The following CNTNAP2 variants were observed in gnomAD, a reference collection of about 807,000 sequenced individuals.
CNTNAP2 encodes the protein contactin associated protein 2.
A neutral mutation model predicts 155.2 loss-of-function variants in CNTNAP2; 98 were observed. That is an observed-to-expected ratio of 0.63 (90% CI 0.54 to 0.75). The LOEUF is 0.75. Among genes scored for constraint, CNTNAP2 ranks in the 30% least tolerant of loss-of-function variants. The pLI is 0.00. For synonymous variants in CNTNAP2, 651 were observed against 631.2 expected (o/e 1.03, Z -0.47); for missense variants, 1,727 against 1,688.1 (o/e 1.02, Z -0.40).
rs59898510 is a variant in CNTNAP2, at chr7:147,975,097, C to T, written c.2256-2765C>T. 7.9e-3 allele frequency among the ~76,000 whole-genome samples: 770 copies of T among 97,318 alleles called. 4 individuals carry two copies. Among genetic ancestry groups the T allele is most frequent in the African/African-American group, 0.02 (724 of 35,646 alleles). 63.8% of individuals were successfully genotyped at this position (97,318 alleles called of 152,430 possible). On this transcript the variant is annotated intron_variant, in intron 14 of 23. Transcript: ENST00000361727. ...ATGTATAATACAATTTTTTGTATTA[C>T]GTATAATACAATTTTTTTGTATTAT...
intron 1 of CNTNAP2, among the ~76,000 whole-genome samples, chr7:146,460,819 A>G (rs1323372120): frequency 2.6e-5 from 4 of 152,314 alleles, no homozygotes; most frequent in African/African-American, 9.6e-5. Flanking sequence ...TGTCTGGGGT[A>G]TAGGGCAGGG....
intron 1 of CNTNAP2, among the ~76,000 whole-genome samples, chr7:146,495,948 A>C (rs1797209163): frequency 6.6e-6 from 1 of 152,174 alleles, no homozygotes; most frequent in Admixed American, 6.5e-5. Context: ...TACTCAGCCA[A>C]ATTGTGAGTA....
At chr7:147,655,946 C>T (rs1408540589) in intron 13 of CNTNAP2, among the ~76,000 whole-genome samples, 1 of 152,240 alleles carries the variant, frequency 6.6e-6, no homozygotes, top group East Asian at 1.9e-4. Flanking sequence ...TAGCCACCTT[C>T]ATCAATTACC....
At chr7:147,132,071 T>G (rs1038767715) in intron 7 of CNTNAP2, among the ~76,000 whole-genome samples, 174 bp from the exon 8 acceptor site, 3 of 152,112 alleles carry the variant, frequency 2.0e-5, no homozygotes, top group Admixed American at 2.0e-4. Flanking sequence ...ACACTCCAAG[T>G]AGATCCGTAG....
chr7:146,815,350 A>T (rs959440796), intron 2 of CNTNAP2, among the ~76,000 whole-genome samples: 2 of 152,174 alleles, frequency 1.3e-5, no homozygotes, highest in African/African-American at 2.4e-5. Context: ...TTTAGACTCT[A>T]AATAACTGTG....
chr7:148,104,862 G>A (rs542845689), intron 15 of CNTNAP2, among the ~76,000 whole-genome samples: 4 of 152,218 alleles, frequency 2.6e-5, no homozygotes, highest in African/African-American at 9.6e-5. Flanking sequence ...CTGTCCATAT[G>A]GGTTAAATAG....
chr7:146,290,339 C>A (rs964044754), intron 1 of CNTNAP2, among the ~76,000 whole-genome samples: 31 of 152,156 alleles, frequency 2.0e-4, no homozygotes, highest in African/African-American at 7.5e-4. Context: ...GTTTAGCAAA[C>A]CCTATCAGTT....
At position 147,610,180 on chromosome 7, in the gene CNTNAP2, G is replaced by A. The variant is rs73468949; in HGVS notation, c.1898-28926G>A. ...ATTTACAACTAAAGCATGTTATAAT[G>A]TAAATAATTGATTTTCTGTATGAAA... On this transcript the variant is annotated intron_variant, in intron 12 of 23. Transcript: ENST00000361727. Among the ~76,000 whole-genome samples, 1,248 of 152,260 alleles carry A rather than the reference G, an allele frequency of 8.2e-3. 21 individuals carry two copies. Among genetic ancestry groups the A allele is most frequent in the African/African-American group, 0.028 (1,177 of 41,534 alleles).
At chr7:147,148,498 C>G (rs1412994936) in intron 8 of CNTNAP2, among the ~76,000 whole-genome samples, 1 of 152,118 alleles carries the variant, frequency 6.6e-6, no homozygotes, top group East Asian at 1.9e-4. Flanking sequence ...AGTCCTATGA[C>G]TTGTAAATGT....
chr7:147,636,589 C>T (rs1251399308), intron 12 of CNTNAP2, among the ~76,000 whole-genome samples: 1 of 152,094 alleles, frequency 6.6e-6, no homozygotes, highest in Non-Finnish European at 1.5e-5. Context: ...GCTCTCCCTC[C>T]CATTTACCCT....
intron 8 of CNTNAP2, among the ~76,000 whole-genome samples, chr7:147,137,885 A>C (rs1357785152): frequency 8.1e-6 from 1 of 123,732 alleles, no homozygotes; most frequent in Non-Finnish European, 1.8e-5. Flanking sequence ...AGATAGATAG[A>C]TAGATAGATA....
At chr7:147,664,841 A>G (rs1042010620) in intron 13 of CNTNAP2, among the ~76,000 whole-genome samples, 3 of 152,170 alleles carry the variant, frequency 2.0e-5, no homozygotes, top group Non-Finnish European at 4.4e-5. Flanking sequence ...ATCTAGTTTT[A>G]TCTGGCTCTA....
intron 1 of CNTNAP2, among the ~76,000 whole-genome samples, chr7:146,227,428 CAAAAAAA>C (rs755623604): frequency 9.5e-4 from 56 of 58,726 alleles, no homozygotes; most frequent in Admixed American, 1.1e-3. Flanking sequence ...CTGTCTCAAA[CAAAAAAA>C]AAAAAAAAAA....
chr7:146,132,086 G>T (rs779045385), intron 1 of CNTNAP2, among the ~76,000 whole-genome samples: 1 of 152,144 alleles, frequency 6.6e-6, no homozygotes, highest in Non-Finnish European at 1.5e-5. Context: ...TGCGAGAATG[G>T]ACTAATACAG....
At chr7:147,290,557 C>G (rs1264845540) in intron 8 of CNTNAP2, among the ~76,000 whole-genome samples, 1 of 151,872 alleles carries the variant, frequency 6.6e-6, no homozygotes, top group African/African-American at 2.4e-5. Context: ...GTGGCTTGTG[C>G]CTGTAATCCC....
intron 1 of CNTNAP2, among the ~76,000 whole-genome samples, chr7:146,670,051 G>T (rs1800274342): frequency 6.6e-6 from 1 of 152,050 alleles, no homozygotes; most frequent in Admixed American, 6.6e-5. Flanking sequence ...ATGTATAAAG[G>T]CCCGCTGTCT....
intron 8 of CNTNAP2, among the ~76,000 whole-genome samples, chr7:147,148,930 A>C (rs1193687602): frequency 1.4e-4 from 21 of 152,212 alleles, no homozygotes; most frequent in Admixed American, 1.4e-3. Context: ...TGGGTGTTAC[A>C]GCTCATAAAG....
chr7:147,139,232 A>G lies in CNTNAP2; in HGVS notation c.1348+6723A>G, dbSNP rs147210684. On this transcript the variant is annotated intron_variant, in intron 8 of 23. Coordinates refer to ENST00000361727, the MANE Select transcript of CNTNAP2 (RefSeq NM_014141.6). ...AAGTACATATACAATGTGGTCCTTT[A>G]CCTTTCATTTAAGTGTAAGGGCTGA... is the stretch of plus-strand genomic sequence containing the variant. 3.3e-5 allele frequency among the ~76,000 whole-genome samples: 5 copies of G among 152,174 alleles called. No individual in the cohort carries two copies. The East Asian group carries it at 9.7e-4, about 29-fold the overall frequency.
intron 8 of CNTNAP2, among the ~76,000 whole-genome samples, chr7:147,273,884 A>G (rs1445738437): frequency 6.8e-6 from 1 of 147,828 alleles, no homozygotes; most frequent in African/African-American, 2.5e-5. Flanking sequence ...TATATTATAT[A>G]TTTATATGTG....
Sources: gnomAD v4.1 joint callset for allele counts (sites outside exome capture counted in the v4.1 genomes callset) on GRCh38, gnomAD v4.1.1 for gene constraint, MANE v1.5 for transcripts, NCBI Gene and HGNC (gene_info 2026-07-23, HGNC 2026-07-21) for gene names.